The following GABRR3 variants were observed in gnomAD, a reference collection of about 807,000 sequenced individuals.
The protein encoded by GABRR3 is gamma-aminobutyric acid type A receptor subunit rho3.
In GABRR3, 29 loss-of-function variants were observed where a neutral mutation model predicts 43.2. The observed-to-expected ratio is 0.67, with a 90% CI of 0.50 to 0.92. The LOEUF (loss-of-function observed/expected upper bound fraction) is 0.92. Ranked by LOEUF, GABRR3 falls within the 40% of genes least tolerant of loss-of-function variation. The pLI, the probability that GABRR3 is intolerant of heterozygous loss-of-function variation, is 0.00. For synonymous variants in GABRR3, 206 were observed against 195.9 expected, an observed-to-expected ratio of 1.05 and a Z score of -0.43; for missense variants, 576 against 572.3, an observed-to-expected ratio of 1.01 and a Z score of -0.07.
intron 8 of GABRR3, among the ~76,000 whole-genome samples, chr3:97,996,310 A>G (rs1706552739): frequency 6.6e-6 from 1 of 152,218 alleles, no homozygotes. Context: ...GTGGCTTGAC[A>G]TTCCAACATT....
exon 10 of GABRR3, chr3:97,986,701 G>A (rs747426906): frequency 1.2e-5 from 18 of 1,552,720 alleles, no homozygotes; most frequent in Non-Finnish European, 1.5e-5. Flanking sequence ...ATACACCCCA[G>A]TAAAACAAAT....
Position 98,008,985 on chromosome 3 carries a change from G to A in GABRR3, c.584C>T (p.Thr195Ile), listed in dbSNP as rs373314443. 2.5e-5 allele frequency: 40 copies of A among 1,607,062 alleles called. No homozygotes were observed. The highest frequency in any genetic ancestry group is 1.6e-4 in the Middle Eastern group (1 of 6,072). ...TTCCAGTTCAAGAGAACAATTTTGAGTGTCAAGAGGAAACCTGCTGAAATC... is the reference window on the plus strand; with the variant it reads ...TTCCAGTTCAAGAGAACAATTTTGAATGTCAAGAGGAAACCTGCTGAAATC... The change falls in exon 6 of 10, where the codon ACT becomes ATT. Residue 195 changes from threonine to isoleucine, a missense_variant. By Grantham distance (89) the Thr-to-Ile change is moderately conservative. Coordinates refer to ENST00000621172, the Ensembl canonical transcript of GABRR3.
intron 8 of GABRR3, chr3:98,001,388 G>T: frequency 5.8e-6 from 3 of 520,044 alleles, no homozygotes; most frequent in Admixed American, 3.1e-5. Flanking sequence ...CCCAACTGCA[G>T]GTCAGTCAGC....
downstream of GABRR3, among the ~76,000 whole-genome samples, chr3:97,985,906 G>A (rs565011453): frequency 5.0e-4 from 76 of 150,938 alleles, no homozygotes; most frequent in Middle Eastern, 6.8e-3. Flanking sequence ...TCGCTCTGTC[G>A]CCCAGGCTAG....
At chr3:97,992,675 C>G (rs182412104) in intron 9 of GABRR3, among the ~76,000 whole-genome samples, 177 bp downstream of exon 9, 86 of 152,258 alleles carry the variant, frequency 5.6e-4, no homozygotes, top group African/African-American at 1.9e-3. Context: ...AAGAAAACAG[C>G]CAGCACAGAG....
At chr3:98,019,451 G>T (rs929787565) in intron 3 of GABRR3, among the ~76,000 whole-genome samples, 2 of 151,954 alleles carry the variant, frequency 1.3e-5, no homozygotes, top group African/African-American at 2.4e-5. Flanking sequence ...TACTTTCAAG[G>T]GTTTCAGGTG....
chr3:98,025,643 G>A (rs1694730157), exon 3 of GABRR3: 2 of 1,612,206 alleles, frequency 1.2e-6, no homozygotes, highest in African/African-American at 2.7e-5. Context: ...GCCGCGCTTT[G>A]GTACTGTCAT....
At chr3:98,014,105 G>C (rs980745714) in intron 4 of GABRR3, among the ~76,000 whole-genome samples, 1 of 152,180 alleles carries the variant, frequency 6.6e-6, no homozygotes, top group Non-Finnish European at 1.5e-5. Flanking sequence ...AGGGGGAAGG[G>C]TGAATCACTG....
At chr3:98,012,103 C>T (rs1383836597) in intron 5 of GABRR3, among the ~76,000 whole-genome samples, 2 of 152,160 alleles carry the variant, frequency 1.3e-5, no homozygotes, top group African/African-American at 4.8e-5. Flanking sequence ...TTCCATAATT[C>T]AGCTCATTCT....
intron 6 of GABRR3, among the ~76,000 whole-genome samples, 174 bp downstream of exon 6, chr3:98,008,782 C>T (rs1344990680): frequency 8.5e-6 from 1 of 117,406 alleles, no homozygotes; most frequent in African/African-American, 3.5e-5. Flanking sequence ...CATCAACCTT[C>T]ATAAAAAACA....
At chr3:98,006,782 G>A (rs1706728240) in intron 7 of GABRR3, among the ~76,000 whole-genome samples, 1 of 152,182 alleles carries the variant, frequency 6.6e-6, no homozygotes, top group Non-Finnish European at 1.5e-5. Context: ...AGGGTGAGGA[G>A]GGCAGAGGGG....
intron 4 of GABRR3, among the ~76,000 whole-genome samples, chr3:98,016,601 A>T (rs1434462174): frequency 6.6e-6 from 1 of 152,214 alleles, no homozygotes; most frequent in South Asian, 2.1e-4. Context: ...ACAGGTGCTG[A>T]AAATTTGAAG....
Position 98,025,502 on chromosome 3 carries a change from A to C in GABRR3, c.238+65T>G, listed in dbSNP as rs528083491. ...TTACTTGCATTTTGGTCTTGTTTTA[A>C]ATTTTCACCTCCATTTTGACAGTGC... On this transcript the variant is annotated intron_variant, in intron 3 of 9. Coordinates refer to ENST00000621172, the Ensembl canonical transcript of GABRR3. The C allele has an allele frequency of 4.5e-6, 5 of 1,114,456 alleles. No individual in the cohort carries two copies. The African/African-American group carries it at 7.9e-5, about 18-fold the overall frequency. The allele number at this position is 1,114,456 out of a possible 1,614,324, so 69.0% of individuals were successfully genotyped here.
exon 9 of GABRR3, chr3:97,992,894 G>A: frequency 1.9e-6 from 3 of 1,613,234 alleles, no homozygotes; most frequent in Non-Finnish European, 2.5e-6. Flanking sequence ...CCACTGTGGT[G>A]AGGTAGTTCA....
At chr3:98,022,364 C>G (rs1170023644) in intron 3 of GABRR3, among the ~76,000 whole-genome samples, 3 of 152,130 alleles carry the variant, frequency 2.0e-5, no homozygotes, top group Non-Finnish European at 4.4e-5. Context: ...AAAAACACTG[C>G]AGTAGCAGCT....
chr3:98,017,191 A>T (rs1706882177), intron 4 of GABRR3, among the ~76,000 whole-genome samples: 1 of 152,210 alleles, frequency 6.6e-6, no homozygotes, highest in African/African-American at 2.4e-5. Context: ...AACTTAAAAA[A>T]ATTCTTTGTC....
chr3:97,994,257 C>T lies in GABRR3; in HGVS notation c.908-1209G>A, dbSNP rs537598303. 2.6e-5 allele frequency among the ~76,000 whole-genome samples: 4 copies of T among 152,330 alleles called. No individual in the cohort carries two copies. In the East Asian group the frequency reaches 7.7e-4, roughly 29 times the overall value. ...TCCTTTCTGTAATAATTCTGTTAGG[C>T]TCTCATCTGAGAGAGCCCCATATCA... On this transcript the variant is annotated intron_variant, in intron 8 of 9. Transcript: ENST00000621172.
intron 9 of GABRR3, among the ~76,000 whole-genome samples, chr3:97,988,336 C>T (rs1041724852): frequency 1.8e-4 from 27 of 152,088 alleles, no homozygotes; most frequent in South Asian, 2.1e-4. Flanking sequence ...CCTTGGCCTC[C>T]GAAAGTGCTG....
exon 2 of GABRR3, chr3:98,034,929 T>G: frequency 6.2e-7 from 1 of 1,613,140 alleles, no homozygotes; most frequent in East Asian, 2.2e-5. Flanking sequence ...AGCACAAACA[T>G]TTGGTTTCAA....
Sources: allele counts gnomAD v4.1 joint callset (sites outside exome capture counted in the v4.1 genomes callset), GRCh38; gene constraint gnomAD v4.1.1; transcripts MANE v1.5; gene names NCBI Gene and HGNC (gene_info 2026-07-23, HGNC 2026-07-21).